The following HLA-DRA variants were observed in gnomAD, a reference collection of about 807,000 sequenced individuals.
HLA-DRA encodes the protein HLA class II histocompatibility antigen, DR alpha chain.
A neutral mutation model predicts 22.1 loss-of-function variants in HLA-DRA; 8 were observed. That is an observed-to-expected ratio of 0.36 (90% CI 0.21 to 0.65). The LOEUF is 0.65. Among genes scored for constraint, HLA-DRA ranks in the 30% least tolerant of loss-of-function variants. The pLI, the probability that HLA-DRA is intolerant of heterozygous loss-of-function variation, is 0.63. For synonymous variants in HLA-DRA, 101 were observed against 117.1 expected (o/e 0.86, Z 0.89); for missense variants, 248 against 321.3 (o/e 0.77, Z 1.74).
intron 1 of HLA-DRA, among the ~76,000 whole-genome samples, chr6:32,440,999 T>G (rs562104761): frequency 7.7e-4 from 117 of 152,356 alleles, no homozygotes; most frequent in Middle Eastern, 3.4e-3. Context: ...TATATTTGTG[T>G]GTGTTTGCAT....
chr6:32,441,623 T>G (rs116529593), intron 1 of HLA-DRA, among the ~76,000 whole-genome samples: 1,584 of 152,296 alleles, frequency 0.01, 17 homozygotes, highest in Middle Eastern at 0.034. Context: ...AACCTTCTCA[T>G]AGAGGTAACC....
At chr6:32,444,135 C>T (rs112114865) in intron 4 of HLA-DRA, among the ~76,000 whole-genome samples, 38 of 152,258 alleles carry the variant, frequency 2.5e-4, no homozygotes, top group Admixed American at 1.0e-3. Flanking sequence ...ACCTTGATCA[C>T]GGCTCCAGTC....
In HLA-DRA at chr6:32,442,588, C is replaced by A; in HGVS notation, c.223C>A (p.Arg75=). 1 of 1,613,052 alleles carries A rather than the reference C, an allele frequency of 6.2e-7. No individual in the cohort carries two copies. The highest frequency in any genetic ancestry group is 8.5e-7 in the Non-Finnish European group (1 of 1,180,034). The part of the protein sequence containing the change: ...ETVWRLEEFG[R]FASFEAQGAL... ...GGTCTGGCGGCTTGAAGAATTTGGA[C>A]GATTTGCCAGCTTTGAGGCTCAAGG... Residue 75 remains arginine, a synonymous_variant, in exon 2 of 5, where the codon CGA becomes AGA. Transcript: ENST00000395388.
chr6:32,442,306 C>T, intron 1 of HLA-DRA, 142 bp from the exon 2 acceptor site: 1 of 977,720 alleles, frequency 1.0e-6, no homozygotes, highest in Non-Finnish European at 1.6e-6. Context: ...TGTCTTGTCA[C>T]TCATCCCTAC....
In HLA-DRA at chr6:32,442,604, A is replaced by T; in HGVS notation, c.239A>T (p.Glu80Val). The part of the protein sequence containing the change: ...LEEFGRFASF[E>V]AQGALANIAV... ...GAATTTGGACGATTTGCCAGCTTTG[A>T]GGCTCAAGGTGCATTGGCCAACATA... Residue 80 changes from glutamate (E) to valine (V), a missense_variant, in exon 2 of 5, where the codon GAG (glutamate) becomes GTG (valine). Transcript: ENST00000395388. 1 of 1,613,038 alleles carries T rather than the reference A, an allele frequency of 6.2e-7. No individual in the cohort carries two copies. Among genetic ancestry groups the T allele is most frequent in the Non-Finnish European group, 8.5e-7 (1 of 1,180,026 alleles).
chr6:32,442,322 A>C, intron 1 of HLA-DRA, 126 bp from the exon 2 acceptor site: 5 of 1,113,454 alleles, frequency 4.5e-6, no homozygotes, highest in Non-Finnish European at 5.3e-6. Flanking sequence ...CCTACTCGCC[A>C]TCATTCTTTC....
intron 1 of HLA-DRA, 75 bp from the exon 2 acceptor site, chr6:32,442,373 C>T: frequency 6.4e-7 from 1 of 1,550,516 alleles, no homozygotes; most frequent in Admixed American, 1.7e-5. Flanking sequence ...TTCCTGCCTA[C>T]ATGTATGTAG....
At chr6:32,440,408 CAT>C (rs1181708922) in intron 1 of HLA-DRA, among the ~76,000 whole-genome samples, 2 of 127,434 alleles carry the variant, frequency 1.6e-5, no homozygotes, top group African/African-American at 6.3e-5. Flanking sequence ...AAAAACCACA[CAT>C]AGTTTTGCTA....
chr6:32,443,876 A>T lies in HLA-DRA; in HGVS notation c.731A>T (p.Lys244Ile). Residue 244 changes from lysine to isoleucine, a missense_variant, in exon 4 of 5, where the codon AAA (lysine) becomes ATA (isoleucine). Coordinates refer to ENST00000395388, the MANE Select transcript of HLA-DRA (RefSeq NM_019111.5). ...GTIFIIKGLR[K>I]SNAAERRGPL ...ATCTTCATCATCAAGGGATTGCGCAAAAGCAATGCAGCAGAACGCAGGGGG... is the reference window on the plus strand; with the variant it reads ...ATCTTCATCATCAAGGGATTGCGCATAAGCAATGCAGCAGAACGCAGGGGG... 6.2e-7 allele frequency: 1 copy of T among 1,609,058 alleles called. No individual in the cohort carries two copies.
intron 1 of HLA-DRA, among the ~76,000 whole-genome samples, chr6:32,440,869 A>T (rs1762572445): frequency 6.6e-6 from 1 of 152,090 alleles, no homozygotes; most frequent in Admixed American, 6.5e-5. Flanking sequence ...CAAAGTAATA[A>T]CCCAGCTCCC....
At position 32,443,744 on chromosome 6, in the gene HLA-DRA, A is replaced by C. The variant is rs776171876; in HGVS notation, c.611-12A>C. On this transcript the variant is annotated splice_polypyrimidine_tract_variant and intron_variant, in intron 3 of 4. Coordinates refer to ENST00000395388, the MANE Select transcript of HLA-DRA (RefSeq NM_019111.5). ...CACTCATTACCATGTACTCTGCCTT[A>C]TTTCCCCCCAGAGTTTGATGCTCCA... 5.7e-6 allele frequency: 9 copies of C among 1,568,328 alleles called. No individual in the cohort carries two copies. In the South Asian group the frequency reaches 8.5e-5, roughly 15 times the overall value.
At chr6:32,441,373 A>C (rs1457353388) in intron 1 of HLA-DRA, among the ~76,000 whole-genome samples, 3 of 151,804 alleles carry the variant, frequency 2.0e-5, no homozygotes, top group African/African-American at 4.8e-5. Flanking sequence ...CCAAACCAAA[A>C]CAAAACAAAA....
In HLA-DRA at chr6:32,443,269, C is replaced by G; in HGVS notation, c.413C>G (p.Thr138Ser). 1 of 1,612,890 alleles carries G rather than the reference C, an allele frequency of 6.2e-7. No homozygotes were observed. The highest frequency in any genetic ancestry group is 1.3e-5 in the African/African-American group (1 of 75,016). Residue 138 changes from threonine (T) to serine (S), a missense_variant, in exon 3 of 5, where the codon ACC becomes AGC. Thr to Ser is a moderately conservative substitution (Grantham distance 58). Transcript: ENST00000395388. ...CTCATCTGTTTCATAGACAAGTTCA[C>G]CCCACCAGTGGTCAATGTCACGTGG... The part of the protein sequence containing the change: ...NVLICFIDKF[T>S]PPVVNVTWLR...
intron 2 of HLA-DRA, 131 bp from the exon 3 acceptor site, chr6:32,443,054 G>C: frequency 1.3e-6 from 1 of 798,504 alleles, no homozygotes; most frequent in South Asian, 1.8e-5. Flanking sequence ...ATTTCTCAGG[G>C]CACAATTTCA....
At chr6:32,442,992 T>C (rs1428862264) in intron 2 of HLA-DRA, among the ~76,000 whole-genome samples, 193 bp from the exon 3 acceptor site, 3 of 152,144 alleles carry the variant, frequency 2.0e-5, no homozygotes, top group African/African-American at 7.2e-5. Context: ...ATTGGCTCAA[T>C]TTCTTGGGGA....
In HLA-DRA at chr6:32,443,317, C is replaced by G. The variant is rs763361772; in HGVS notation, c.461C>G (p.Thr154Ser). ...TGGCTTCGAAATGGAAAACCTGTCA[C>G]CACAGGAGTGTCAGAGACAGTCTTC... Reference protein sequence around the residue: ...VTWLRNGKPVTTGVSETVFLP... With the variant: ...VTWLRNGKPVSTGVSETVFLP... Residue 154 changes from threonine (T) to serine (S), a missense_variant, in exon 3 of 5, where the codon ACC becomes AGC. Transcript: ENST00000395388. 2.5e-6 allele frequency: 4 copies of G among 1,613,078 alleles called. No individual in the cohort carries two copies. The highest frequency in any genetic ancestry group is 3.4e-6 in the Non-Finnish European group (4 of 1,180,028).
intron 2 of HLA-DRA, 58 bp from the exon 3 acceptor site, chr6:32,443,126 GA>G (rs1762720085): frequency 4.9e-6 from 7 of 1,441,442 alleles, no homozygotes; most frequent in Admixed American, 1.7e-5. Flanking sequence ...ATGGGAGGGA[GA>G]GGGGTGAGCC....
In HLA-DRA at chr6:32,443,749, C is replaced by T. The variant is rs139677040; in HGVS notation, c.611-7C>T. 6.6e-4 allele frequency: 1,043 copies of T among 1,574,928 alleles called. No individual in the cohort carries two copies. The highest frequency in any genetic ancestry group is 5.7e-3 in the African/African-American group (421 of 73,632). On this transcript the variant is annotated splice_polypyrimidine_tract_variant and splice_region_variant and intron_variant, in intron 3 of 4. Coordinates refer to ENST00000395388, the MANE Select transcript of HLA-DRA (RefSeq NM_019111.5). ...ATTACCATGTACTCTGCCTTATTTC[C>T]CCCCAGAGTTTGATGCTCCAAGCCC...
chr6:32,440,990 A>G (rs1197120845), intron 1 of HLA-DRA, among the ~76,000 whole-genome samples: 1 of 152,248 alleles, frequency 6.6e-6, no homozygotes, highest in Non-Finnish European at 1.5e-5. Flanking sequence ...GGCAGCTAGT[A>G]TATTTGTGTG....
Sources: gnomAD v4.1 joint callset for allele counts (sites outside exome capture counted in the v4.1 genomes callset) on GRCh38, gnomAD v4.1.1 for gene constraint, MANE v1.5 for transcripts, NCBI Gene and HGNC (gene_info 2026-07-23, HGNC 2026-07-21) for gene names.